CSNK1G3: variants seen among roughly 807,000 people sequenced by gnomAD.
The protein encoded by CSNK1G3 is casein kinase I isoform gamma-3.
Under a neutral mutation model 64.3 loss-of-function variants are expected in CSNK1G3, and 23 were observed. That is an observed-to-expected ratio of 0.36 (90% confidence interval 0.26 to 0.51). The LOEUF is 0.51. CSNK1G3 is among the 20% of genes least tolerant of loss of function. The probability of loss-of-function intolerance (pLI) is 0.96; values close to 1 mark genes in which losing one functional copy is unlikely to be tolerated. For synonymous variants in CSNK1G3, 158 were observed against 162.2 expected, an observed-to-expected ratio of 0.97 and a Z score of 0.20; for missense variants, 357 against 510.5, an observed-to-expected ratio of 0.70 and a Z score of 2.90.
chr5:123,615,854 A>G (rs185867851), exon 13 of CSNK1G3: 48 of 152,308 alleles, frequency 3.2e-4, no homozygotes, highest in African/African-American at 1.1e-3. Flanking sequence ...GCCTCCAGGC[A>G]TGCTTATTTA....
At chr5:123,545,461 A>G in exon 2 of CSNK1G3, 1 of 439,338 alleles carries the variant, frequency 2.3e-6, no homozygotes, top group Non-Finnish European at 4.1e-6. Flanking sequence ...ATAATTTTGA[A>G]GACATGTTTT....
chr5:123,542,849 AGTGTGTGTGTGTGTGTGT>A (rs66645709), intron 1 of CSNK1G3, among the ~76,000 whole-genome samples: 4 of 134,848 alleles, frequency 3.0e-5, no homozygotes, highest in African/African-American at 1.1e-4. Context: ...GCCTAGATTT[AGTGTGTGTGTGTGTGTGT>A]GTGTGTGTGT....
At chr5:123,539,732 A>T (rs1045806325) in intron 1 of CSNK1G3, among the ~76,000 whole-genome samples, 10 of 152,182 alleles carry the variant, frequency 6.6e-5, no homozygotes, top group African/African-American at 2.4e-4. Flanking sequence ...AAAGAGCTTT[A>T]GAACAGTATT....
intron 4 of CSNK1G3, among the ~76,000 whole-genome samples, chr5:123,561,590 C>T (rs10061983): frequency 0.22 from 33,999 of 151,986 alleles, 4,051 homozygotes; most frequent in African/African-American, 0.28. Flanking sequence ...CAATCCTGGA[C>T]TTTTTGTAAC....
intron 1 of CSNK1G3, among the ~76,000 whole-genome samples, chr5:123,527,143 T>G (rs1403331898): frequency 6.6e-6 from 1 of 152,200 alleles, no homozygotes; most frequent in African/African-American, 2.4e-5. Flanking sequence ...ATGTGATATT[T>G]TCATTGCTAT....
At chr5:123,565,780 T>G (rs1035190313) in intron 4 of CSNK1G3, among the ~76,000 whole-genome samples, 16 of 151,566 alleles carry the variant, frequency 1.1e-4, no homozygotes, top group Admixed American at 5.9e-4. Flanking sequence ...GTGGAGAGAG[T>G]GGGAGCAAGA....
chr5:123,535,675 C>T (rs1465241902), intron 1 of CSNK1G3, among the ~76,000 whole-genome samples: 1 of 152,126 alleles, frequency 6.6e-6, no homozygotes, highest in Non-Finnish European at 1.5e-5. Context: ...TTGTCATCTA[C>T]ATCTTTTATT....
chr5:123,575,008 G>C lies in CSNK1G3; in HGVS notation c.439-721G>C, dbSNP rs141262109. Among the ~76,000 whole-genome samples, 308 of 152,200 alleles carry C rather than the reference G, an allele frequency of 2.0e-3. 1 individual carries two copies. Among genetic ancestry groups the C allele is most frequent in the African/African-American group, 6.9e-3 (288 of 41,544 alleles). On this transcript the variant is annotated intron_variant, in intron 5 of 12. Coordinates refer to ENST00000345990, the Ensembl canonical transcript of CSNK1G3. ...GCCTGTGTAGCCATATGTTTACATT[G>C]CATTGTTAACCATGATTATCACTAA...
chr5:123,557,644 G>C (rs966893598), intron 4 of CSNK1G3, 80 bp downstream of exon 4: 1 of 910,860 alleles, frequency 1.1e-6, no homozygotes, highest in Non-Finnish European at 1.7e-6. Context: ...GGTATTTTAA[G>C]TTTGGTTAAG....
chr5:123,542,263 T>C (rs2150220884), intron 1 of CSNK1G3, among the ~76,000 whole-genome samples: 1 of 152,320 alleles, frequency 6.6e-6, no homozygotes, highest in South Asian at 2.1e-4. Context: ...TCAATAATTT[T>C]CAAGAAGGAA....
chr5:123,572,485 A>C (rs1462786802), intron 4 of CSNK1G3, among the ~76,000 whole-genome samples: 1 of 152,122 alleles, frequency 6.6e-6, no homozygotes, highest in African/African-American at 2.4e-5. Context: ...CACAATTTCT[A>C]TGGGTCAGGA....
chr5:123,512,899 G>T (rs1223939625), intron 1 of CSNK1G3, among the ~76,000 whole-genome samples: 1 of 152,088 alleles, frequency 6.6e-6, no homozygotes, highest in Non-Finnish European at 1.5e-5. Flanking sequence ...AGGGAGGTGG[G>T]CCAACTGGGC....
rs770660931 is a variant in CSNK1G3 at position 123,557,572 on chromosome 5, C to G, written c.289+8C>G. On this transcript the variant is annotated splice_region_variant and intron_variant, in intron 4 of 12. Transcript: ENST00000345990. ...AGCAGTTAGGATCTGGAGGTAAAGT[C>G]TTATATTAATTTTTAAATTTGAAAT... 1 of 1,536,938 alleles carries G rather than the reference C, an allele frequency of 6.5e-7. No individual in the cohort carries two copies. Among genetic ancestry groups the G allele is most frequent in the Non-Finnish European group, 8.9e-7 (1 of 1,129,450 alleles).
intron 12 of CSNK1G3, among the ~76,000 whole-genome samples, chr5:123,612,635 G>T (rs1318266606): frequency 3.3e-5 from 5 of 151,696 alleles, no homozygotes; most frequent in Non-Finnish European, 5.9e-5. Flanking sequence ...CTGTCACCAC[G>T]CCTGGCTAAT....
chr5:123,558,437 T>G (rs1785034266), intron 4 of CSNK1G3, among the ~76,000 whole-genome samples: 2 of 152,212 alleles, frequency 1.3e-5, no homozygotes, highest in African/African-American at 4.8e-5. Flanking sequence ...AGAATTTTAC[T>G]TGTATAGCTT....
intron 4 of CSNK1G3, among the ~76,000 whole-genome samples, chr5:123,568,528 C>A (rs930019792): frequency 7.2e-5 from 11 of 152,170 alleles, no homozygotes; most frequent in Admixed American, 5.2e-4. Context: ...ACTAATCGAG[C>A]TTTTTCACCT....
intron 12 of CSNK1G3, among the ~76,000 whole-genome samples, chr5:123,610,181 T>G (rs988344622): frequency 6.6e-6 from 1 of 152,202 alleles, no homozygotes; most frequent in Admixed American, 6.5e-5. Context: ...TGATCTAAAC[T>G]CTTCTTGCTT....
intron 6 of CSNK1G3, among the ~76,000 whole-genome samples, chr5:123,577,902 A>G (rs2150768690): frequency 6.6e-6 from 1 of 152,022 alleles, no homozygotes; most frequent in Admixed American, 6.6e-5. Context: ...TTCTAGAAGC[A>G]ATCACTGATC....
At chr5:123,596,884 G>A (rs898976551) in intron 10 of CSNK1G3, among the ~76,000 whole-genome samples, 1 of 152,096 alleles carries the variant, frequency 6.6e-6, no homozygotes, top group African/African-American at 2.4e-5. Context: ...GTAGGATCAT[G>A]CCTGAATCCT....
Sources: allele counts gnomAD v4.1 joint callset (sites outside exome capture counted in the v4.1 genomes callset), GRCh38; gene constraint gnomAD v4.1.1; transcripts MANE v1.5; gene names NCBI Gene and HGNC (gene_info 2026-07-23, HGNC 2026-07-21).